ADGRL3: variants seen among roughly 807,000 people sequenced by gnomAD.
ADGRL3 encodes the protein adhesion G protein-coupled receptor L3, also known as calcium-independent alpha-latrotoxin receptor 3.
ADGRL3 carries 62 observed loss-of-function variants against 153.5 expected under a neutral mutation model. The observed-to-expected ratio is 0.40, with a 90% CI of 0.33 to 0.50. ADGRL3 has a LOEUF of 0.50. ADGRL3 is among the 20% of genes least tolerant of loss of function. ADGRL3 has a pLI of 0.47. For synonymous variants in ADGRL3, 710 were observed against 672.5 expected (o/e 1.06, Z -0.86); for missense variants, 1,641 against 1,859.4 (o/e 0.88, Z 2.16).
At chr4:61,245,703 A>G (rs1282261711) in intron 1 of ADGRL3, among the ~76,000 whole-genome samples, 2 of 152,144 alleles carry the variant, frequency 1.3e-5, no homozygotes, top group African/African-American at 2.4e-5. Flanking sequence ...AAGAGGGGCA[A>G]GAGCCATCAT....
At chr4:61,501,560 A>G (rs2098387124) in intron 3 of ADGRL3, among the ~76,000 whole-genome samples, 2 of 152,178 alleles carry the variant, frequency 1.3e-5, no homozygotes, top group Non-Finnish European at 2.9e-5. Flanking sequence ...ATTTCTAAAT[A>G]CTAGCATCTA....
intron 1 of ADGRL3, among the ~76,000 whole-genome samples, chr4:61,373,228 A>G (rs1021522109): frequency 3.9e-5 from 6 of 152,150 alleles, no homozygotes; most frequent in Admixed American, 3.3e-4. Flanking sequence ...AGCTGTTCCT[A>G]TTCGGCCATC....
At chr4:61,717,194 T>TTG (rs1334504922) in intron 6 of ADGRL3, among the ~76,000 whole-genome samples, 1 of 114,556 alleles carries the variant, frequency 8.7e-6, no homozygotes, top group East Asian at 3.4e-4. Context: ...GCCACATAGT[T>TTG]TATGTGTGTG....
chr4:61,261,746 T>G (rs1458409195), intron 1 of ADGRL3, among the ~76,000 whole-genome samples: 1 of 152,212 alleles, frequency 6.6e-6, no homozygotes, highest in Non-Finnish European at 1.5e-5. Context: ...ATGTCGTCTT[T>G]GCAAGGACAT....
intron 8 of ADGRL3, among the ~76,000 whole-genome samples, chr4:61,780,116 C>T (rs1482591635): frequency 2.6e-5 from 4 of 152,188 alleles, no homozygotes; most frequent in Non-Finnish European, 4.4e-5. Context: ...TATATATATA[C>T]TACCTTCCTC....
chr4:61,552,817 T>C (rs548579066), intron 4 of ADGRL3, among the ~76,000 whole-genome samples: 1 of 152,144 alleles, frequency 6.6e-6, no homozygotes, highest in African/African-American at 2.4e-5. Flanking sequence ...CTTTGTATAC[T>C]TAAAATATCT....
chr4:61,827,219 G>C (rs143306836), intron 9 of ADGRL3, among the ~76,000 whole-genome samples: 1 of 152,140 alleles, frequency 6.6e-6, no homozygotes, highest in Non-Finnish European at 1.5e-5. Context: ...TGAAAAGACC[G>C]CATTTGCTGT....
intron 2 of ADGRL3, among the ~76,000 whole-genome samples, chr4:61,456,524 C>T (rs1215451580): frequency 2.8e-5 from 4 of 140,616 alleles, no homozygotes; most frequent in Admixed American, 1.5e-4. Context: ...ACTATATATA[C>T]GTCACACTAA....
At chr4:61,657,972 A>G (rs1432952616) in intron 5 of ADGRL3, among the ~76,000 whole-genome samples, 1 of 152,114 alleles carries the variant, frequency 6.6e-6, no homozygotes. Flanking sequence ...AAGACACTGG[A>G]GGTTTGGTAG....
chr4:61,949,369 T>C (rs1345974750), intron 17 of ADGRL3, among the ~76,000 whole-genome samples: 1 of 152,122 alleles, frequency 6.6e-6, no homozygotes, highest in African/African-American at 2.4e-5. Flanking sequence ...TTCTGAATAT[T>C]GTATGTCATA....
chr4:62,034,165 G>A (rs1723702970), intron 23 of ADGRL3, among the ~76,000 whole-genome samples: 1 of 151,588 alleles, frequency 6.6e-6, no homozygotes, highest in African/African-American at 2.4e-5. Context: ...TTAAAACAGA[G>A]TTCCGGAAAC....
chr4:61,824,028 C>T (rs2097778763), intron 9 of ADGRL3, among the ~76,000 whole-genome samples: 1 of 151,606 alleles, frequency 6.6e-6, no homozygotes, highest in Non-Finnish European at 1.5e-5. Context: ...TACCACTGCA[C>T]TCCAGTCTGG....
intron 1 of ADGRL3, among the ~76,000 whole-genome samples, chr4:61,295,848 C>T (rs2094393979): frequency 6.6e-6 from 1 of 151,260 alleles, no homozygotes; most frequent in South Asian, 2.1e-4. Flanking sequence ...TGGCATGTGC[C>T]TATTGTCCTA....
rs148205305 is a variant in ADGRL3, at chr4:61,404,089, C to G, written c.-174+20900C>G. On this transcript the variant is annotated intron_variant, in intron 2 of 26. Coordinates refer to ENST00000683033, the MANE Select transcript of ADGRL3 (RefSeq NM_001387552.1). ...TATCTGTACTGTGCCAGGCTCTATG[C>G]TAGTTAATAGATATATAATAGTTAG... is the stretch of plus-strand genomic sequence containing the variant. 1.2e-3 allele frequency among the ~76,000 whole-genome samples: 189 copies of G among 151,984 alleles called. 4 individuals are homozygous for G. In the East Asian group the frequency reaches 0.034, roughly 27 times the overall value.
intron 8 of ADGRL3, among the ~76,000 whole-genome samples, chr4:61,779,020 T>C (rs1002660143): frequency 1.3e-5 from 2 of 151,920 alleles, no homozygotes; most frequent in Admixed American, 6.6e-5. Context: ...ATCATGCCAT[T>C]TGACTCAAGC....
chr4:61,330,464 G>A (rs942869685), intron 1 of ADGRL3, among the ~76,000 whole-genome samples: 57 of 152,224 alleles, frequency 3.7e-4, no homozygotes, highest in Admixed American at 3.7e-3. Flanking sequence ...TAGGCCTTTG[G>A]GTTTAGACTG....
chr4:61,802,036 AAT>A (rs34887888), intron 8 of ADGRL3, among the ~76,000 whole-genome samples: 84,603 of 151,736 alleles, frequency 0.56, 25,237 homozygotes, highest in African/African-American at 0.77. Flanking sequence ...ACTGATAATG[AAT>A]ATAATTTTGA....
chr4:61,367,959 G>A (rs1400046289), intron 1 of ADGRL3, among the ~76,000 whole-genome samples: 1 of 150,994 alleles, frequency 6.6e-6, no homozygotes, highest in African/African-American at 2.5e-5. Context: ...ATCTCATTGT[G>A]GTTTCGATTT....
At chr4:62,068,565 A>C (rs965036944) in intron 26 of ADGRL3, among the ~76,000 whole-genome samples, 1 of 152,172 alleles carries the variant, frequency 6.6e-6, no homozygotes, top group African/African-American at 2.4e-5. Flanking sequence ...GCCCGTACCT[A>C]ATGCATTGAC....
Sources: gnomAD v4.1 joint callset for allele counts (sites outside exome capture counted in the v4.1 genomes callset) on GRCh38, gnomAD v4.1.1 for gene constraint, MANE v1.5 for transcripts, NCBI Gene and HGNC (gene_info 2026-07-23, HGNC 2026-07-21) for gene names.